Variants in GALNT7 observed in about 807,000 individuals in gnomAD.
GALNT7 encodes the protein polypeptide N-acetylgalactosaminyltransferase 7.
In GALNT7, 60 loss-of-function variants were observed where a neutral mutation model predicts 82.1. The ratio of observed to expected loss-of-function variants is 0.73; its 90% CI spans 0.59 to 0.91. The LOEUF (loss-of-function observed/expected upper bound fraction) is 0.91. GALNT7 is among the 40% of genes least tolerant of loss of function. The pLI is 0.00. For missense variants in GALNT7, 660 were observed against 804.2 expected (o/e 0.82, Z 2.17); for synonymous variants, 243 against 275.1 (o/e 0.88, Z 1.15).
intron 2 of GALNT7, among the ~76,000 whole-genome samples, chr4:173,254,927 T>G (rs938728661): frequency 6.6e-6 from 1 of 152,222 alleles, no homozygotes; most frequent in Non-Finnish European, 1.5e-5. Flanking sequence ...GTCCTTGTGT[T>G]CTGATGTCTA....
intron 2 of GALNT7, among the ~76,000 whole-genome samples, chr4:173,259,087 C>T (rs1353318261): frequency 6.6e-6 from 1 of 152,176 alleles, no homozygotes; most frequent in African/African-American, 2.4e-5. Flanking sequence ...AACCAGTTCT[C>T]CAGATGTTGC....
At chr4:173,308,360 A>T (rs1469894861) in intron 8 of GALNT7, among the ~76,000 whole-genome samples, 1 of 152,160 alleles carries the variant, frequency 6.6e-6, no homozygotes, top group Non-Finnish European at 1.5e-5. Flanking sequence ...AAAAAGTCTG[A>T]CACTGTGTAG....
chr4:173,240,557 T>C (rs947271819), intron 1 of GALNT7, among the ~76,000 whole-genome samples: 2 of 151,740 alleles, frequency 1.3e-5, no homozygotes, highest in Admixed American at 6.6e-5. Context: ...TTAGTAGAGG[T>C]GGGGTTTCTC....
intron 9 of GALNT7, 76 bp from the exon 10 acceptor site, chr4:173,317,558 A>G (rs189390485): frequency 2.2e-6 from 2 of 892,186 alleles, no homozygotes; most frequent in East Asian, 4.8e-5. Context: ...TTAACATGAA[A>G]TGTTAAATTC....
At chr4:173,284,581 G>A (rs928426578) in intron 2 of GALNT7, among the ~76,000 whole-genome samples, 2 of 151,942 alleles carry the variant, frequency 1.3e-5, no homozygotes, top group African/African-American at 4.8e-5. Context: ...AAAAGCAAGG[G>A]GCCAGGAAAG....
chr4:173,298,965 G>A (rs1238129511), intron 6 of GALNT7, among the ~76,000 whole-genome samples: 1 of 152,176 alleles, frequency 6.6e-6, no homozygotes, highest in Admixed American at 6.5e-5. Context: ...AACAACTTAT[G>A]CTACTCTCTT....
At chr4:173,228,352 G>A (rs186686681) in intron 1 of GALNT7, among the ~76,000 whole-genome samples, 7 of 149,404 alleles carry the variant, frequency 4.7e-5, no homozygotes, top group Admixed American at 4.7e-4. Flanking sequence ...GGTGTAAACA[G>A]TATGTATATT....
Position 173,234,471 on chromosome 4 carries a change from G to T in GALNT7, c.127-13509G>T, listed in dbSNP as rs913390798. Among the ~76,000 whole-genome samples the T allele has an allele frequency of 1.6e-4, 25 of 152,146 alleles. 1 individual carries two copies. Among genetic ancestry groups the T allele is most frequent in the Admixed American group, 6.5e-5 (1 of 15,272 alleles). On this transcript the variant is annotated intron_variant, in intron 1 of 11. Transcript: ENST00000265000. ...TCATCTTCAATTCTGGTCTATTTCA[G>T]TGTTTCCTCTCTCAGTGAATAGTAT... is the stretch of plus-strand genomic sequence containing the variant.
intron 1 of GALNT7, among the ~76,000 whole-genome samples, chr4:173,223,830 C>T (rs1733715575): frequency 6.6e-6 from 1 of 152,148 alleles, no homozygotes; most frequent in Middle Eastern, 3.2e-3. Flanking sequence ...TATACATAGA[C>T]CTATCTGTAT....
intron 1 of GALNT7, among the ~76,000 whole-genome samples, chr4:173,200,557 T>C (rs570414161): frequency 6.6e-6 from 1 of 152,332 alleles, no homozygotes; most frequent in African/African-American, 2.4e-5. Flanking sequence ...TATTTTAGGA[T>C]TCCATGTGCA....
chr4:173,246,487 G>A (rs1734639795), intron 1 of GALNT7, among the ~76,000 whole-genome samples: 2 of 152,132 alleles, frequency 1.3e-5, no homozygotes, highest in African/African-American at 2.4e-5. Flanking sequence ...CCTGCAGAAG[G>A]AAAGGCAGGA....
chr4:173,192,917 T>C (rs574904136), intron 1 of GALNT7, among the ~76,000 whole-genome samples: 148 of 152,330 alleles, frequency 9.7e-4, no homozygotes, highest in South Asian at 2.7e-3. Flanking sequence ...TTTTGAATCA[T>C]GTGGTGTTGT....
At chr4:173,247,120 G>A (rs1440323608) in intron 1 of GALNT7, among the ~76,000 whole-genome samples, 1 of 151,986 alleles carries the variant, frequency 6.6e-6, no homozygotes, top group Non-Finnish European at 1.5e-5. Context: ...TGATCAAGGT[G>A]ATGCCAATGT....
chr4:173,207,297 A>AT (rs1200172024), intron 1 of GALNT7, among the ~76,000 whole-genome samples: 8 of 152,152 alleles, frequency 5.3e-5, no homozygotes, highest in African/African-American at 1.4e-4. Context: ...TCAAAAATAC[A>AT]TTTTTTGTGA....
chr4:173,215,780 T>C (rs1311103910), intron 1 of GALNT7, among the ~76,000 whole-genome samples: 4 of 152,168 alleles, frequency 2.6e-5, no homozygotes, highest in Admixed American at 2.6e-4. Flanking sequence ...CTAGAAAATA[T>C]GAACTACATT....
chr4:173,211,682 A>G lies in GALNT7; in HGVS notation c.127-36298A>G, dbSNP rs187305074. On this transcript the variant is annotated intron_variant, in intron 1 of 11. Transcript: ENST00000265000. Reference sequence around the variant, plus strand: ...CGAGCACGTGTGCACACACACACACATTGTCTAAATAGTCTTGTTAATTGA... The same window carrying G: ...CGAGCACGTGTGCACACACACACACGTTGTCTAAATAGTCTTGTTAATTGA... 6.4e-4 allele frequency among the ~76,000 whole-genome samples: 98 copies of G among 152,330 alleles called. 1 individual carries two copies. Among genetic ancestry groups the G allele is most frequent in the African/African-American group, 2.3e-3 (96 of 41,590 alleles).
At chr4:173,182,318 A>T (rs1464478132) in intron 1 of GALNT7, among the ~76,000 whole-genome samples, 1 of 152,240 alleles carries the variant, frequency 6.6e-6, no homozygotes, top group Non-Finnish European at 1.5e-5. Context: ...AACTTAAGGT[A>T]AGAGCAAAAG....
intron 2 of GALNT7, among the ~76,000 whole-genome samples, chr4:173,279,541 T>C (rs758262503): frequency 1.7e-4 from 26 of 152,382 alleles, no homozygotes; most frequent in Non-Finnish European, 3.4e-4. Context: ...AATTAAACTT[T>C]GTATTCTACA....
chr4:173,295,582 T>C, intron 4 of GALNT7, 56 bp downstream of exon 4: 5 of 1,511,358 alleles, frequency 3.3e-6, no homozygotes, highest in Non-Finnish European at 3.7e-6. Context: ...AACTAAATCA[T>C]ACACATTTTT....
Sources: allele counts gnomAD v4.1 joint callset (sites outside exome capture counted in the v4.1 genomes callset), GRCh38; gene constraint gnomAD v4.1.1; transcripts MANE v1.5; gene names NCBI Gene and HGNC (gene_info 2026-07-23, HGNC 2026-07-21).